Variants in KLHL14 observed in about 807,000 individuals in gnomAD.
KLHL14 encodes kelch like family member 14.
Under a neutral mutation model 64.3 loss-of-function variants are expected in KLHL14, and 22 were observed. The observed-to-expected ratio is 0.34, with a 90% CI of 0.24 to 0.49. KLHL14 has a LOEUF of 0.49. KLHL14 is among the 20% of genes least tolerant of loss of function. KLHL14 has a pLI of 0.99. For synonymous variants in KLHL14, 322 were observed against 333.4 expected (o/e 0.97, Z 0.37); for missense variants, 661 against 789.0 (o/e 0.84, Z 1.94).
chr18:32,755,346 A>G (rs946112677), intron 2 of KLHL14, among the ~76,000 whole-genome samples: 21 of 152,152 alleles, frequency 1.4e-4, no homozygotes, highest in African/African-American at 5.1e-4. Context: ...AAAGTTTACC[A>G]TATTCTCTGA....
intron 3 of KLHL14, among the ~76,000 whole-genome samples, chr18:32,701,368 T>A (rs1022912279): frequency 4.6e-5 from 7 of 152,122 alleles, no homozygotes; most frequent in Admixed American, 1.3e-4. Context: ...TACAATGGGA[T>A]GATGTGCTAG....
intron 2 of KLHL14, among the ~76,000 whole-genome samples, chr18:32,752,760 TG>T: frequency 6.6e-6 from 1 of 150,872 alleles, no homozygotes; most frequent in Admixed American, 6.6e-5. Context: ...GCTATTGTAG[TG>T]GTTCCCAATG....
intron 3 of KLHL14, among the ~76,000 whole-genome samples, chr18:32,723,606 G>A (rs1428411529): frequency 6.6e-6 from 1 of 152,100 alleles, no homozygotes; most frequent in Non-Finnish European, 1.5e-5. Context: ...CATGTATTGA[G>A]GGCTTAAATT....
intron 2 of KLHL14, among the ~76,000 whole-genome samples, chr18:32,761,477 T>C (rs927527300): frequency 2.7e-5 from 4 of 150,596 alleles, no homozygotes; most frequent in African/African-American, 9.8e-5. Flanking sequence ...TCTCTCAGCT[T>C]TGCCTCTCCA....
chr18:32,749,355 T>A (rs1198970327), intron 2 of KLHL14, among the ~76,000 whole-genome samples: 1 of 152,222 alleles, frequency 6.6e-6, no homozygotes, highest in African/African-American at 2.4e-5. Flanking sequence ...TGGATTTAAA[T>A]CCTCTACCTT....
chr18:32,760,490 C>T (rs985303766), intron 2 of KLHL14, among the ~76,000 whole-genome samples: 30 of 152,270 alleles, frequency 2.0e-4, no homozygotes, highest in African/African-American at 6.7e-4. Flanking sequence ...TCACTGGCCT[C>T]GCCTGTCTTC....
At chr18:32,731,091 T>A (rs1372981272) in intron 3 of KLHL14, among the ~76,000 whole-genome samples, 1 of 152,200 alleles carries the variant, frequency 6.6e-6, no homozygotes, top group Non-Finnish European at 1.5e-5. Flanking sequence ...TGTAGAGTAA[T>A]CATACACTCC....
In KLHL14 at chr18:32,680,339, A is replaced by C. The variant is rs1411863605; in HGVS notation, c.1430-12T>G. 3.1e-6 allele frequency: 5 copies of C among 1,613,574 alleles called. No homozygotes were observed. The African/African-American group carries it at 5.3e-5, about 17-fold the overall frequency. On this transcript the variant is annotated splice_polypyrimidine_tract_variant and intron_variant, in intron 6 of 8. Transcript: ENST00000359358. The surrounding 1 kb of genome is among the most constrained non-coding windows in gnomAD (Gnocchi z 4.8). ...ATTGTGTACACCCCCTGTGAAATAA[A>C]CATAGACATACAAGTCAAGAGAGTG...
At chr18:32,767,944 CTA>C (rs1367984161) in intron 2 of KLHL14, among the ~76,000 whole-genome samples, 1 of 152,122 alleles carries the variant, frequency 6.6e-6, no homozygotes, top group Non-Finnish European at 1.5e-5. Flanking sequence ...GAATTATTGA[CTA>C]TGTGTGATAT....
intron 3 of KLHL14, among the ~76,000 whole-genome samples, chr18:32,713,759 A>G (rs1353502341): frequency 1.3e-5 from 2 of 152,178 alleles, no homozygotes; most frequent in Non-Finnish European, 2.9e-5. Context: ...TAATAGTAGT[A>G]TGATATTTCT....
intron 2 of KLHL14, among the ~76,000 whole-genome samples, chr18:32,751,744 C>T (rs2050253362): frequency 6.6e-6 from 1 of 152,184 alleles, no homozygotes; most frequent in Non-Finnish European, 1.5e-5. Flanking sequence ...ACTGAAAAAA[C>T]TTCTGACTAT....
At chr18:32,769,602 CT>C in intron 2 of KLHL14, 42 bp downstream of exon 2, 3 of 382,354 alleles carry the variant, frequency 7.8e-6, no homozygotes, top group South Asian at 8.0e-5. Flanking sequence ...GCCTCTCTGG[CT>C]CTACCCCCCC....
At chr18:32,720,194 A>T (rs2050070366) in intron 3 of KLHL14, among the ~76,000 whole-genome samples, 1 of 152,202 alleles carries the variant, frequency 6.6e-6, no homozygotes, top group African/African-American at 2.4e-5. Context: ...TAAATCTGAG[A>T]AGGCAGGTTT....
At chr18:32,728,805 C>T (rs1009812361) in intron 3 of KLHL14, among the ~76,000 whole-genome samples, 7 of 151,960 alleles carry the variant, frequency 4.6e-5, no homozygotes, top group African/African-American at 1.2e-4. Context: ...AGGAGTGACA[C>T]GGGGAAGAAA....
In KLHL14 at chr18:32,769,184, C is replaced by T. The variant is rs183373037; in HGVS notation, c.947+461G>A. ...TGAAAGCCTTCCTTTGCAAGCATCG[C>T]CTGGGCTCTTCTGCTCACCCAAGGC... On this transcript the variant is annotated intron_variant, in intron 2 of 8. Coordinates refer to ENST00000359358, the MANE Select transcript of KLHL14 (RefSeq NM_020805.3). Among the ~76,000 whole-genome samples the T allele has an allele frequency of 7.4e-3, 1,129 of 152,272 alleles. 18 individuals are homozygous for T. Among genetic ancestry groups the T allele is most frequent in the Non-Finnish European group, 4.8e-3 (326 of 68,008 alleles).
chr18:32,714,933 T>A (rs1485219790), intron 3 of KLHL14, among the ~76,000 whole-genome samples: 1 of 151,740 alleles, frequency 6.6e-6, no homozygotes, highest in Non-Finnish European at 1.5e-5. Flanking sequence ...TTGGAGAATG[T>A]CAATATTATT....
At chr18:32,758,972 G>T (rs1044693441) in intron 2 of KLHL14, among the ~76,000 whole-genome samples, 4 of 152,150 alleles carry the variant, frequency 2.6e-5, no homozygotes, top group African/African-American at 9.7e-5. Flanking sequence ...ATTGGTGATT[G>T]CTAACAGATA....
At chr18:32,772,357 T>A (rs1401427133) in intron 1 of KLHL14, 3 of 223,684 alleles carry the variant, frequency 1.3e-5, no homozygotes, top group African/African-American at 2.3e-5. Flanking sequence ...AGCTCTGGCT[T>A]GCCTGAAACA....
intron 1 of KLHL14, among the ~76,000 whole-genome samples, chr18:32,771,488 G>A (rs1293719904): frequency 6.6e-6 from 1 of 152,090 alleles, no homozygotes; most frequent in Non-Finnish European, 1.5e-5. Flanking sequence ...TTTAAACCTG[G>A]CAGGAGAATC....
Sources: allele counts gnomAD v4.1 joint callset (sites outside exome capture counted in the v4.1 genomes callset), GRCh38; gene constraint gnomAD v4.1.1; non-coding constraint Gnocchi (gnomAD v3.1); transcripts MANE v1.5; gene names NCBI Gene and HGNC (gene_info 2026-07-23, HGNC 2026-07-21).